The following SQOR variants were observed in gnomAD, a reference collection of about 807,000 sequenced individuals.
SQOR encodes sulfide:quinone oxidoreductase, mitochondrial.
A neutral mutation model predicts 48.6 loss-of-function variants in SQOR; 39 were observed. The observed-to-expected ratio is 0.80, with a 90% confidence interval of 0.62 to 1.05. The LOEUF (loss-of-function observed/expected upper bound fraction) is 1.05. Among genes scored for constraint, SQOR ranks in the 50% least tolerant of loss-of-function variants. SQOR has a pLI of 0.00. For synonymous variants in SQOR, 220 were observed against 206.2 expected (o/e 1.07, Z -0.57); for missense variants, 561 against 559.9 (o/e 1.00, Z -0.02).
intron 1 of SQOR, 140 bp downstream of exon 1, chr15:45,635,248 C>G (rs1162051802): frequency 1.3e-5 from 2 of 152,370 alleles, no homozygotes; most frequent in Non-Finnish European, 2.9e-5. Context: ...GCGCCGCGCC[C>G]CAAACTTTGC....
intron 1 of SQOR, among the ~76,000 whole-genome samples, chr15:45,649,534 G>A (rs1889421348): frequency 6.6e-6 from 1 of 152,018 alleles, no homozygotes; most frequent in African/African-American, 2.4e-5. Flanking sequence ...GGAGTGCAGT[G>A]GTGCAATCTT....
chr15:45,685,661 C>T (rs1424013968), intron 7 of SQOR, among the ~76,000 whole-genome samples: 1 of 152,132 alleles, frequency 6.6e-6, no homozygotes, highest in Non-Finnish European at 1.5e-5. Context: ...GTGGTGGCAC[C>T]CACTGGATGT....
At chr15:45,644,320 A>C (rs1024398913) in intron 1 of SQOR, among the ~76,000 whole-genome samples, 1 of 152,166 alleles carries the variant, frequency 6.6e-6, no homozygotes, top group Non-Finnish European at 1.5e-5. Context: ...TCCTGACCTC[A>C]AGTGATCCAC....
Position 45,676,161 on chromosome 15 carries a change from G to T in SQOR, c.715G>T (p.Val239Phe). 2 of 1,614,186 alleles carry T rather than the reference G, an allele frequency of 1.2e-6. No homozygotes were observed. The highest frequency in any genetic ancestry group is 2.2e-5 in the South Asian group (2 of 91,084). The change falls in exon 6 of 10, where the codon GTT becomes TTT. Residue 239 changes from valine to phenylalanine, a missense_variant. Transcript: ENST00000260324. ...FNTSLGAIFG[V>F]KKYADALQEI... ...CACTTCTCTTGGAGCCATTTTCGGGGTTAAGAAGTATGCAGATGCCCTGCA... is the reference window on the plus strand; with the variant it reads ...CACTTCTCTTGGAGCCATTTTCGGGTTTAAGAAGTATGCAGATGCCCTGCA...
intron 4 of SQOR, among the ~76,000 whole-genome samples, chr15:45,672,381 ATAT>A (rs1393893176): frequency 6.6e-6 from 1 of 152,152 alleles, no homozygotes; most frequent in Non-Finnish European, 1.5e-5. Flanking sequence ...AATAATAATG[ATAT>A]TATTATTGAG....
In SQOR at chr15:45,691,267, A is replaced by C. The variant is rs1812271927; in HGVS notation, c.*237A>C. ...AAATAATACTTTTATTTTCTGAATA[A>C]AAGTTTGTCACTGATTGTGTTCTAT... is the stretch of plus-strand genomic sequence containing the variant. On this transcript the variant is annotated 3_prime_UTR_variant, in exon 10 of 10. Coordinates refer to ENST00000260324, the MANE Select transcript of SQOR (RefSeq NM_021199.4). The C allele has an allele frequency of 2.0e-6, 1 of 498,272 alleles. No individual in the cohort carries two copies. Among genetic ancestry groups the C allele is most frequent in the Admixed American group, 3.7e-5 (1 of 27,292 alleles). 30.9% of individuals were successfully genotyped at this position (498,272 alleles called of 1,614,324 possible).
chr15:45,672,116 C>T (rs1179068725), intron 4 of SQOR, among the ~76,000 whole-genome samples: 1 of 152,144 alleles, frequency 6.6e-6, no homozygotes, highest in African/African-American at 2.4e-5. Flanking sequence ...GATAAGACAT[C>T]AACTGCTTGT....
intron 1 of SQOR, among the ~76,000 whole-genome samples, chr15:45,636,777 T>C (rs1467244944): frequency 1.3e-5 from 2 of 152,190 alleles, no homozygotes; most frequent in Non-Finnish European, 2.9e-5. Flanking sequence ...ACATACATAA[T>C]TGAAGTAAAT....
intron 9 of SQOR, among the ~76,000 whole-genome samples, chr15:45,690,331 G>T (rs1368014977): frequency 6.6e-6 from 1 of 152,148 alleles, no homozygotes; most frequent in Admixed American, 6.6e-5. Flanking sequence ...CTCCCAAAGT[G>T]CTGGGATTAC....
At chr15:45,645,063 T>C (rs925358210) in intron 1 of SQOR, among the ~76,000 whole-genome samples, 4 of 152,174 alleles carry the variant, frequency 2.6e-5, no homozygotes, top group African/African-American at 9.6e-5. Context: ...ACAGAATTAA[T>C]ACAGCAGGAT....
At chr15:45,658,797 A>G (rs1027481834) in intron 1 of SQOR, 110 bp from the exon 2 acceptor site, 4 of 836,822 alleles carry the variant, frequency 4.8e-6, no homozygotes, top group Non-Finnish European at 7.0e-6. Context: ...GATGATGGGG[A>G]CCAGCTGGAG....
At chr15:45,672,070 G>A (rs914975078) in intron 4 of SQOR, among the ~76,000 whole-genome samples, 1 of 152,276 alleles carries the variant, frequency 6.6e-6, no homozygotes, top group African/African-American at 2.4e-5. Context: ...TTCCATCAAC[G>A]ACAGCTTCTT....
chr15:45,651,450 C>A (rs1023770020), intron 1 of SQOR, among the ~76,000 whole-genome samples: 1 of 152,352 alleles, frequency 6.6e-6, no homozygotes, highest in East Asian at 1.9e-4. Flanking sequence ...TAGAGGGGCC[C>A]CCACAGCGCA....
At chr15:45,646,304 G>A (rs965164185) in intron 1 of SQOR, among the ~76,000 whole-genome samples, 10 of 152,192 alleles carry the variant, frequency 6.6e-5, no homozygotes, top group African/African-American at 2.4e-4. Flanking sequence ...GCTAGCTCCT[G>A]CTAATGCCTG....
chr15:45,667,915 A>G (rs1034223788), intron 3 of SQOR, among the ~76,000 whole-genome samples: 4 of 147,458 alleles, frequency 2.7e-5, no homozygotes, highest in Non-Finnish European at 4.5e-5. Context: ...TCAATACATC[A>G]TCTTTCTTTA....
chr15:45,654,095 C>T (rs1045988694), intron 1 of SQOR, among the ~76,000 whole-genome samples: 8 of 146,338 alleles, frequency 5.5e-5, no homozygotes, highest in African/African-American at 2.1e-4. Context: ...GTACTCCAGC[C>T]TGGGTGACAG....
intron 1 of SQOR, among the ~76,000 whole-genome samples, chr15:45,655,916 ACCTTGTGATCCGCCCG>A (rs970462593): frequency 4.6e-5 from 7 of 151,294 alleles, no homozygotes; most frequent in African/African-American, 1.7e-4. Flanking sequence ...CGATCTCCTG[ACCTTGTGATCCGCCCG>A]CCTTGGCCTC....
chr15:45,684,974 CTTAT>C (rs1429091627), intron 7 of SQOR, among the ~76,000 whole-genome samples: 4 of 152,188 alleles, frequency 2.6e-5, no homozygotes, highest in African/African-American at 9.6e-5. Flanking sequence ...TGCTCTAGAG[CTTAT>C]TTAAAGAGTC....
At position 45,659,105 on chromosome 15, in the gene SQOR, G is replaced by A. The variant is rs535949978; in HGVS notation, c.182G>A (p.Arg61His). Reference protein sequence around the residue: ...GGSGGITMAARMKRKVGAENV... With the variant: ...GGSGGITMAAHMKRKVGAENV... ...AGTGGCGGAATCACCATGGCTGCCC[G>A]CATGAAGAGGAAAGTGGGTGCAGAG... The change falls in exon 2 of 10, where the codon CGC becomes CAC. Residue 61 changes from arginine (R) to histidine (H), a missense_variant. Transcript: ENST00000260324. 2.3e-5 allele frequency: 37 copies of A among 1,579,578 alleles called. No individual in the cohort carries two copies. The highest frequency in any genetic ancestry group is 1.6e-4 in the South Asian group (14 of 86,526).
Sources: gnomAD v4.1 joint callset for allele counts (sites outside exome capture counted in the v4.1 genomes callset) on GRCh38, gnomAD v4.1.1 for gene constraint, MANE v1.5 for transcripts, NCBI Gene and HGNC (gene_info 2026-07-23, HGNC 2026-07-21) for gene names.